SLC22A25: variants seen among roughly 807,000 people sequenced by gnomAD.
SLC22A25 encodes the protein solute carrier family 22 member 25.
Under a neutral mutation model 45.9 loss-of-function variants are expected in SLC22A25, and 44 were observed. The observed-to-expected ratio is 0.96, with a 90% CI of 0.75 to 1.23. The LOEUF (loss-of-function observed/expected upper bound fraction) is 1.23. Ranked by LOEUF, SLC22A25 falls within the 50% of genes most tolerant of loss-of-function variation. The pLI, the probability that SLC22A25 is intolerant of heterozygous loss-of-function variation, is 0.00. For synonymous variants in SLC22A25, 283 were observed against 238.6 expected (o/e 1.19, Z -1.72); for missense variants, 800 against 666.4 (o/e 1.20, Z -2.21).
chr11:63,177,876 G>GTATATATATAATATATATATATAATT (rs2088167165), intron 9 of SLC22A25, among the ~76,000 whole-genome samples: 2 of 33,380 alleles, frequency 6.0e-5, no homozygotes, highest in Admixed American at 3.1e-4. Context: ...TATATATAAT[G>GTATATATATAATATATATATATAATT]TATATATATA....
At chr11:63,214,822 A>G (rs938280570) in intron 7 of SLC22A25, among the ~76,000 whole-genome samples, 1 of 151,436 alleles carries the variant, frequency 6.6e-6, no homozygotes, top group Non-Finnish European at 1.5e-5. Context: ...GGGCCAGTGC[A>G]CCTAAATAAT....
chr11:63,169,833 C>T (rs113102082), intron 9 of SLC22A25, among the ~76,000 whole-genome samples: 5,121 of 152,274 alleles, frequency 0.034, 120 homozygotes, highest in Non-Finnish European at 0.056. Context: ...ATCTACAGAA[C>T]TCTCTACCCC....
chr11:63,185,667 A>G (rs2088508364), intron 7 of SLC22A25, among the ~76,000 whole-genome samples: 1 of 141,512 alleles, frequency 7.1e-6, no homozygotes, highest in Admixed American at 7.1e-5. Flanking sequence ...AGCATTAGGT[A>G]TATCTCCCAA....
Position 63,166,892 on chromosome 11 carries a change from G to A in SLC22A25, c.1071-634C>T, listed in dbSNP as rs1383032582. The A allele has an allele frequency of 3.0e-6, 3 of 983,968 alleles. No homozygotes were observed. The African/African-American group carries it at 5.2e-5, about 17-fold the overall frequency. 61.0% of individuals were successfully genotyped at this position (983,968 alleles called of 1,614,324 possible). A position where few individuals can be genotyped will look rare whatever the true frequency, so the allele number is the denominator to read the frequency against. On this transcript the variant is annotated intron_variant, in intron 9 of 11. Coordinates refer to ENST00000306494, the MANE Select transcript of SLC22A25 (RefSeq NM_199352.6). ...AGTCGATAGAGACAGCTGGCAAGAT[G>A]GCCGAATAGGAAGAGCTCTGGTCTG... is the stretch of plus-strand genomic sequence containing the variant.
intron 7 of SLC22A25, among the ~76,000 whole-genome samples, chr11:63,212,336 T>C (rs1487513034): frequency 6.6e-6 from 1 of 152,160 alleles, no homozygotes; most frequent in Non-Finnish European, 1.5e-5. Flanking sequence ...CAAAGGATTA[T>C]AAAACATGCT....
At chr11:63,170,832 G>A (rs1590782226) in intron 9 of SLC22A25, among the ~76,000 whole-genome samples, 2 of 147,730 alleles carry the variant, frequency 1.4e-5, no homozygotes, top group East Asian at 3.9e-4. Context: ...GCATTATCCT[G>A]ATACCAAAAC....
intron 7 of SLC22A25, among the ~76,000 whole-genome samples, chr11:63,197,443 A>G (rs1388070330): frequency 2.6e-5 from 4 of 152,236 alleles, no homozygotes; most frequent in Admixed American, 6.5e-5. Context: ...GTCCCCAGAT[A>G]TAATACCACA....
At chr11:63,243,285 G>T in intron 1 of SLC22A25, 149 bp downstream of exon 1, 1 of 414,440 alleles carries the variant, frequency 2.4e-6, no homozygotes. Flanking sequence ...GTGGCCATTT[G>T]ATTGGTGGCC....
At chr11:63,219,595 G>C (rs1488761962) in intron 5 of SLC22A25, among the ~76,000 whole-genome samples, 2 of 152,062 alleles carry the variant, frequency 1.3e-5, no homozygotes, top group Non-Finnish European at 1.5e-5. Flanking sequence ...GGGATATCAT[G>C]AACAGTTGAG....
At position 63,162,323 on chromosome 11, in the gene SLC22A25, A is replaced by G. The variant is rs2134701326; in HGVS notation, c.*1501T>C. Among the ~76,000 whole-genome samples, 1 of 152,222 alleles carries G rather than the reference A, an allele frequency of 6.6e-6. No individual in the cohort carries two copies. Among genetic ancestry groups the G allele is most frequent in the Non-Finnish European group, 1.5e-5 (1 of 68,006 alleles). ...TGTTTTCCTGTACTTGTGGGGTATT[A>G]CTCAAGAAATCTTTGGCCAGTCTAA... On this transcript the variant is annotated 3_prime_UTR_variant, in exon 12 of 12. Transcript: ENST00000306494.
intron 7 of SLC22A25, among the ~76,000 whole-genome samples, chr11:63,203,289 A>G (rs2089302694): frequency 6.6e-6 from 1 of 152,066 alleles, no homozygotes; most frequent in Admixed American, 6.6e-5. Context: ...AGGGAACAAA[A>G]CTGGACACAG....
chr11:63,237,552 A>G (rs1461347391), intron 3 of SLC22A25, among the ~76,000 whole-genome samples: 3 of 152,196 alleles, frequency 2.0e-5, no homozygotes, highest in African/African-American at 7.2e-5. Context: ...CATGAACCAA[A>G]TAAACTTCTA....
Position 63,161,595 on chromosome 11 carries a change from A to G in SLC22A25, c.*2229T>C, listed in dbSNP as rs2087533779. 6.6e-6 allele frequency among the ~76,000 whole-genome samples: 1 copy of G among 152,140 alleles called. No homozygotes were observed. Among genetic ancestry groups the G allele is most frequent in the Admixed American group, 6.5e-5 (1 of 15,268 alleles). ...TCTCACATGATCTGATGGTTTTATA[A>G]AAGGGAGTTTCCCTGCAAAAATTAT... On this transcript the variant is annotated 3_prime_UTR_variant, in exon 12 of 12. Coordinates refer to ENST00000306494, the MANE Select transcript of SLC22A25 (RefSeq NM_199352.6).
intron 9 of SLC22A25, among the ~76,000 whole-genome samples, chr11:63,172,070 G>T (rs1038684673): frequency 6.6e-6 from 1 of 152,150 alleles, no homozygotes; most frequent in Non-Finnish European, 1.5e-5. Context: ...AATAAATGGT[G>T]CTGGGAAAAC....
At chr11:63,203,345 A>G (rs1263422922) in intron 7 of SLC22A25, among the ~76,000 whole-genome samples, 1 of 152,014 alleles carries the variant, frequency 6.6e-6, no homozygotes, top group Non-Finnish European at 1.5e-5. Flanking sequence ...AAGGTGGGTA[A>G]TAACAATCTC....
chr11:63,204,590 A>C (rs965575939), intron 7 of SLC22A25, among the ~76,000 whole-genome samples: 20 of 152,216 alleles, frequency 1.3e-4, no homozygotes, highest in Admixed American at 1.3e-3. Context: ...GTAAAGGGAT[A>C]AATGCAACAA....
intron 7 of SLC22A25, among the ~76,000 whole-genome samples, chr11:63,194,744 C>A (rs2088943369): frequency 6.6e-6 from 1 of 151,402 alleles, no homozygotes; most frequent in South Asian, 2.1e-4. Context: ...GCACTAAATG[C>A]CCCAGTTAAA....
intron 7 of SLC22A25, among the ~76,000 whole-genome samples, chr11:63,201,454 T>C (rs867318841): frequency 1.4e-4 from 21 of 152,320 alleles, no homozygotes; most frequent in Middle Eastern, 6.8e-3. Flanking sequence ...TGGCTAGACA[T>C]ATTCAGAAGA....
intron 5 of SLC22A25, among the ~76,000 whole-genome samples, chr11:63,218,967 A>G (rs1434419052): frequency 6.6e-6 from 1 of 152,264 alleles, no homozygotes; most frequent in Non-Finnish European, 1.5e-5. Context: ...GTTCTTGCAG[A>G]TGGCATGATT....
Sources: allele counts gnomAD v4.1 joint callset (sites outside exome capture counted in the v4.1 genomes callset), GRCh38; gene constraint gnomAD v4.1.1; transcripts MANE v1.5; gene names NCBI Gene and HGNC (gene_info 2026-07-23, HGNC 2026-07-21).